FAM149A: variants seen among roughly 807,000 people sequenced by gnomAD.
FAM149A encodes family with sequence similarity 149 member A.
Under a neutral mutation model 78.2 loss-of-function variants are expected in FAM149A, and 71 were observed. That is an observed-to-expected ratio of 0.91 (90% CI 0.75 to 1.11). The LOEUF (loss-of-function observed/expected upper bound fraction) is 1.11. Among genes scored for constraint, FAM149A ranks in the 50% least tolerant of loss-of-function variants. The probability of loss-of-function intolerance (pLI) is 0.00; values close to 1 mark genes in which losing one functional copy is unlikely to be tolerated. For synonymous variants in FAM149A, 446 were observed against 410.5 expected, an observed-to-expected ratio of 1.09 and a Z score of -1.04; for missense variants, 1,036 against 971.0, an observed-to-expected ratio of 1.07 and a Z score of -0.89.
At chr4:186,151,381 T>G (rs1390521573) in intron 3 of FAM149A, among the ~76,000 whole-genome samples, 1 of 152,216 alleles carries the variant, frequency 6.6e-6, no homozygotes, top group Admixed American at 6.5e-5. Context: ...ATAACCACAC[T>G]TCTTAGGATA....
chr4:186,143,600 G>A (rs1328322669), intron 1 of FAM149A, among the ~76,000 whole-genome samples: 1 of 152,092 alleles, frequency 6.6e-6, no homozygotes, highest in African/African-American at 2.4e-5. Context: ...AGCCTGGAGT[G>A]GGTGGGGCGA....
At position 186,105,629 on chromosome 4, in the gene FAM149A, G is replaced by A. The variant is rs1270170950; in HGVS notation, c.553G>A (p.Gly185Arg). Residue 185 changes from glycine (G) to arginine (R), a missense_variant, in exon 1 of 14, where the codon GGG becomes AGG. Transcript: ENST00000389354. Reference sequence around the variant, plus strand: ...GGAGGGGGCCTCGGACGGCGACTCCGGGGATGGCGAAGCGTGAGTAGCAGC... The same window carrying A: ...GGAGGGGGCCTCGGACGGCGACTCCAGGGATGGCGAAGCGTGAGTAGCAGC... 6.6e-6 allele frequency: 7 copies of A among 1,061,674 alleles called. No homozygotes were observed. Among genetic ancestry groups the A allele is most frequent in the Admixed American group, 6.0e-5 (1 of 16,542 alleles). The allele number at this position is 1,061,674 out of a possible 1,614,324, so 65.8% of individuals were successfully genotyped here.
chr4:186,112,261 C>T lies in FAM149A; in HGVS notation c.566+6619C>T, dbSNP rs928466259. On this transcript the variant is annotated intron_variant, in intron 1 of 13. Coordinates refer to ENST00000389354, the MANE Select transcript of FAM149A (RefSeq NM_001367768.3). ...ACGTTGATTTTGTATCCTGAGACTT[C>T]GCTGAAGTTGCTTATCAGCTTAAGG... Among the ~76,000 whole-genome samples, 676 of 149,964 alleles carry T rather than the reference C, an allele frequency of 4.5e-3. 6 individuals carry two copies. Among genetic ancestry groups the T allele is most frequent in the Admixed American group, 0.018 (259 of 14,724 alleles).
intron 1 of FAM149A, among the ~76,000 whole-genome samples, chr4:186,131,660 C>A (rs1274170176): frequency 6.6e-6 from 1 of 152,206 alleles, no homozygotes; most frequent in African/African-American, 2.4e-5. Context: ...ACACCTGATA[C>A]CTCAAGTCAC....
chr4:186,117,758 G>A (rs1230191807), intron 1 of FAM149A: 1 of 839,976 alleles, frequency 1.2e-6, no homozygotes, highest in Admixed American at 6.2e-5. Context: ...TGCACTTTAG[G>A]AGGGTTGAGC....
intron 1 of FAM149A, chr4:186,126,062 C>T (rs1017246975): frequency 1.0e-6 from 1 of 985,372 alleles, no homozygotes; most frequent in Non-Finnish European, 1.2e-6. Flanking sequence ...TTCCCAGACT[C>T]CTGTGGGATC....
chr4:186,110,508 AG>A (rs1428681758), intron 1 of FAM149A, among the ~76,000 whole-genome samples: 3 of 143,256 alleles, frequency 2.1e-5, no homozygotes, highest in Admixed American at 7.0e-5. Context: ...CTCGTCATCT[AG>A]CATTAGGTAT....
At chr4:186,143,859 T>C (rs989357733) in intron 1 of FAM149A, among the ~76,000 whole-genome samples, 1 of 152,208 alleles carries the variant, frequency 6.6e-6, no homozygotes, top group Non-Finnish European at 1.5e-5. Flanking sequence ...TAGTGATTTC[T>C]TGTCACCGTG....
At chr4:186,127,349 T>C in intron 1 of FAM149A, 1 of 985,424 alleles carries the variant, frequency 1.0e-6, no homozygotes, top group Non-Finnish European at 1.2e-6. Context: ...TAAACATCCT[T>C]CCAGTCTACC....
At position 186,125,849 on chromosome 4, in the gene FAM149A, G is replaced by A. The variant is rs187456300; in HGVS notation, c.566+20207G>A. 514 of 985,428 alleles carry A rather than the reference G, an allele frequency of 5.2e-4. No individual in the cohort carries two copies. The African/African-American group carries it at 8.5e-3, about 16-fold the overall frequency. The allele number at this position is 985,428 out of a possible 1,614,324, so 61.0% of individuals were successfully genotyped here. On this transcript the variant is annotated intron_variant, in intron 1 of 13. Transcript: ENST00000389354. ...AAGAAATACGAGGTAGGGATGAGATGTTGAAGAAGCAACGTAGAGGAGTGG... is the reference window on the plus strand; with the variant it reads ...AAGAAATACGAGGTAGGGATGAGATATTGAAGAAGCAACGTAGAGGAGTGG...
chr4:186,173,725 C>T lies in FAM149A; in HGVS notation c.*1738C>T. Among the ~76,000 whole-genome samples, 2 of 112,496 alleles carry T rather than the reference C, an allele frequency of 1.8e-5. 1 individual carries two copies. The highest frequency in any genetic ancestry group is 4.5e-5 in the Non-Finnish European group (2 of 44,624). 73.8% of individuals were successfully genotyped at this position (112,496 alleles called of 152,430 possible). A position where few individuals can be genotyped will look rare whatever the true frequency, so the allele number is the denominator to read the frequency against. On this transcript the variant is annotated 3_prime_UTR_variant, in exon 14 of 14. Coordinates refer to ENST00000389354, the MANE Select transcript of FAM149A (RefSeq NM_001367768.3). ...CAGCAGCAGCAGCAGCAGCGACCAC[C>T]AGGTCCATGCCTCTTTTCCGTGGTC...
Position 186,110,141 on chromosome 4 carries a change from AT to A in FAM149A, c.566+4502del. 3.0e-6 allele frequency: 3 copies of A among 985,428 alleles called. No individual in the cohort carries two copies. In the South Asian group the frequency reaches 1.4e-4, roughly 46 times the overall value. The allele number at this position is 985,428 out of a possible 1,614,324, so 61.0% of individuals were successfully genotyped here. On this transcript the variant is annotated intron_variant, in intron 1 of 13. Coordinates refer to ENST00000389354, the MANE Select transcript of FAM149A (RefSeq NM_001367768.3). ...AAGGGAACACATGCCCATAAAAGAC[AT>A]TTAGCAAATATTTATTGAATGGATG...
At chr4:186,136,964 T>TC (rs2099323207) in intron 1 of FAM149A, among the ~76,000 whole-genome samples, 66 of 97,074 alleles carry the variant, frequency 6.8e-4, no homozygotes, top group Middle Eastern at 5.8e-3. Flanking sequence ...CTCTCTCTCT[T>TC]TCTCTCTCTC....
chr4:186,153,302 G>A (rs559097443), intron 4 of FAM149A: 1 of 938,688 alleles, frequency 1.1e-6, no homozygotes. Flanking sequence ...TATGTATGGA[G>A]GGCTTCTTTG....
In FAM149A at chr4:186,105,193, G is replaced by C. The variant is rs1375266308; in HGVS notation, c.117G>C (p.Ser39=). ...CGGGAGGTGCTGCCGCTGCAGGGTC[G>C]GGGGGCTCCAGGGCGGGCACCCCGT... The change falls in exon 1 of 14, where the codon TCG becomes TCC. Residue 39 remains serine, a synonymous_variant. Coordinates refer to ENST00000389354, the MANE Select transcript of FAM149A (RefSeq NM_001367768.3). 3 of 1,271,946 alleles carry C rather than the reference G, an allele frequency of 2.4e-6. No homozygotes were observed. Among genetic ancestry groups the C allele is most frequent in the South Asian group, 1.2e-5 (1 of 80,060 alleles). The allele number at this position is 1,271,946 out of a possible 1,614,324, so 78.8% of individuals were successfully genotyped here. A position where few individuals can be genotyped will look rare whatever the true frequency, so the allele number is the denominator to read the frequency against.
Position 186,165,465 on chromosome 4 carries a change from G to A in FAM149A, c.2010+1G>A, listed in dbSNP as rs1734957161. ...AGTTCCTGGATGCCGCCTTGTTTCT[G>A]TAAGACAGATTTCATTCTATTTCAG... On this transcript the variant is annotated splice_donor_variant, in intron 11 of 13. Coordinates refer to ENST00000389354, the MANE Select transcript of FAM149A (RefSeq NM_001367768.3). LOFTEE classifies it high-confidence loss of function. 1 of 1,613,966 alleles carries A rather than the reference G, an allele frequency of 6.2e-7. No homozygotes were observed. The highest frequency in any genetic ancestry group is 1.3e-5 in the African/African-American group (1 of 74,936).
intron 1 of FAM149A, chr4:186,117,448 A>G: frequency 2.0e-6 from 2 of 985,402 alleles, no homozygotes; most frequent in Non-Finnish European, 2.4e-6. Context: ...GCACACAGCT[A>G]AGAGAGAAGA....
Position 186,167,087 on chromosome 4 carries a change from C to T in FAM149A, c.2130C>T (p.His710=), listed in dbSNP as rs1735102987. ...GGTTGTCAAGGCCCAGCACAACCCACACGTTCCGGGTGGGTTCTCTGTTTC... is the reference window on the plus strand; with the variant it reads ...GGTTGTCAAGGCCCAGCACAACCCATACGTTCCGGGTGGGTTCTCTGTTTC... The change falls in exon 12 of 14, where the codon CAC becomes CAT. Residue 710 remains histidine (H), a synonymous_variant. Transcript: ENST00000389354. 1.2e-6 allele frequency: 2 copies of T among 1,613,560 alleles called. No individual in the cohort carries two copies. The highest frequency in any genetic ancestry group is 8.5e-7 in the Non-Finnish European group (1 of 1,179,642).
At chr4:186,130,945 C>G (rs879362726) in intron 1 of FAM149A, among the ~76,000 whole-genome samples, 9 of 152,254 alleles carry the variant, frequency 5.9e-5, no homozygotes, top group Admixed American at 2.6e-4. Context: ...GCCTTTCCCC[C>G]AAGTTCCTAT....
Sources: allele counts gnomAD v4.1 joint callset (sites outside exome capture counted in the v4.1 genomes callset), GRCh38; gene constraint gnomAD v4.1.1; transcripts MANE v1.5; gene names NCBI Gene and HGNC (gene_info 2026-07-23, HGNC 2026-07-21).